The following PGM1 variants were observed in gnomAD, a reference collection of about 807,000 sequenced individuals.
The protein encoded by PGM1 is phosphoglucomutase-1.
Under a neutral mutation model 55.6 loss-of-function variants are expected in PGM1, and 52 were observed. That is an observed-to-expected ratio of 0.94 (90% confidence interval 0.75 to 1.18). The LOEUF is 1.18. Among genes scored for constraint, PGM1 ranks in the 50% most tolerant of loss-of-function variants. The pLI is 0.00. For synonymous variants in PGM1, 287 were observed against 271.7 expected (o/e 1.06, Z -0.55); for missense variants, 724 against 729.3 (o/e 0.99, Z 0.08).
At chr1:63,627,464 A>G (rs1649055623) in intron 1 of PGM1, among the ~76,000 whole-genome samples, 1 of 152,078 alleles carries the variant, frequency 6.6e-6, no homozygotes, top group Non-Finnish European at 1.5e-5. Flanking sequence ...GTAATAGAGC[A>G]GTGTCTCTCC....
At position 63,618,729 on chromosome 1, in the gene PGM1, C is replaced by T. The variant is rs192934470; in HGVS notation, c.247-10696C>T. Among the ~76,000 whole-genome samples the T allele has an allele frequency of 2.6e-3, 399 of 152,220 alleles. 2 individuals are homozygous for T. The highest frequency in any genetic ancestry group is 0.01 in the Middle Eastern group (3 of 294). ...GACACCAGCTGGGTGAGGTGTGGCT[C>T]GGCCAAGGGTCTGGATGTGGAGGCA... On this transcript the variant is annotated intron_variant, in intron 1 of 10. Coordinates refer to ENST00000371084, the MANE Select transcript of PGM1 (RefSeq NM_002633.3).
At chr1:63,608,780 C>T (rs1369815655) in intron 1 of PGM1, among the ~76,000 whole-genome samples, 11 of 152,182 alleles carry the variant, frequency 7.2e-5, no homozygotes, top group South Asian at 2.1e-4. Flanking sequence ...TCACTCTAAC[C>T]GCTTTGTGGT....
chr1:63,634,294 A>G (rs1649302782), intron 4 of PGM1, among the ~76,000 whole-genome samples: 1 of 152,180 alleles, frequency 6.6e-6, no homozygotes, highest in Non-Finnish European at 1.5e-5. Context: ...TCAGTACTTC[A>G]TAGCTATTAA....
intron 1 of PGM1, among the ~76,000 whole-genome samples, chr1:63,612,149 T>G (rs1483311707): frequency 1.3e-5 from 2 of 149,568 alleles, no homozygotes; most frequent in Non-Finnish European, 3.0e-5. Flanking sequence ...CCCAGCTACT[T>G]GGGAGGCTGA....
At chr1:63,613,978 C>A (rs1040030555) in intron 1 of PGM1, among the ~76,000 whole-genome samples, 1 of 152,120 alleles carries the variant, frequency 6.6e-6, no homozygotes, top group African/African-American at 2.4e-5. Flanking sequence ...CCTGCCTTTC[C>A]AATTTATTGT....
In PGM1 at chr1:63,610,585, G is replaced by A. The variant is rs114965439; in HGVS notation, c.246+16851G>A. 1.0e-2 allele frequency among the ~76,000 whole-genome samples: 1,518 copies of A among 152,176 alleles called. 27 individuals are homozygous for A. Among genetic ancestry groups the A allele is most frequent in the African/African-American group, 0.034 (1,409 of 41,494 alleles). ...ACTCATTTGTGAAATTAATATGTTG[G>A]GGGTTTTGATGGGAAATACAGACAC... On this transcript the variant is annotated intron_variant, in intron 1 of 10. Transcript: ENST00000371084.
At chr1:63,631,018 T>A (rs1649178752) in intron 3 of PGM1, among the ~76,000 whole-genome samples, 1 of 152,198 alleles carries the variant, frequency 6.6e-6, no homozygotes, top group Admixed American at 6.5e-5. Context: ...ATTCTTCATA[T>A]TTTGAAAATG....
intron 1 of PGM1, among the ~76,000 whole-genome samples, chr1:63,626,038 T>C: frequency 6.6e-6 from 1 of 152,184 alleles, no homozygotes; most frequent in African/African-American, 2.4e-5. Context: ...CCTGCCATGT[T>C]TGACTATTAG....
At chr1:63,646,765 T>C (rs889305241) in intron 7 of PGM1, among the ~76,000 whole-genome samples, 1 of 152,182 alleles carries the variant, frequency 6.6e-6, no homozygotes, top group Non-Finnish European at 1.5e-5. Flanking sequence ...TTAACTTTAA[T>C]TTTTCTTCTT....
rs572766359 is a variant in PGM1 at position 63,648,220 on chromosome 1, T to C, written c.1145-297T>C. 2.0e-5 allele frequency among the ~76,000 whole-genome samples: 3 copies of C among 152,290 alleles called. No homozygotes were observed. The East Asian group carries it at 5.8e-4, about 29-fold the overall frequency. On this transcript the variant is annotated intron_variant, in intron 7 of 10. Transcript: ENST00000371084. ...CATGGCTGGGAGGCCTCAGGAAATG[T>C]ACAATCATGGCAGAACAATGAAGAG...
intron 1 of PGM1, among the ~76,000 whole-genome samples, chr1:63,624,684 C>G (rs1270690442): frequency 6.6e-6 from 1 of 152,176 alleles, no homozygotes; most frequent in East Asian, 1.9e-4. Context: ...TATTTCTTTT[C>G]TGGAAGAGAT....
chr1:63,623,529 G>C, intron 1 of PGM1: 1 of 1,612,760 alleles, frequency 6.2e-7, no homozygotes, highest in East Asian at 2.2e-5. Context: ...TCCCTCTGTT[G>C]ACTTTTGCTA....
intron 10 of PGM1, among the ~76,000 whole-genome samples, chr1:63,656,359 A>C (rs1490673352): frequency 6.6e-6 from 1 of 152,220 alleles, no homozygotes; most frequent in Non-Finnish European, 1.5e-5. Context: ...GCTATTTTGG[A>C]ATAACCAAAA....
At chr1:63,647,259 C>CATATATATATATATATATAT (rs55760196) in intron 7 of PGM1, among the ~76,000 whole-genome samples, 8 of 55,410 alleles carry the variant, frequency 1.4e-4, no homozygotes, top group African/African-American at 1.9e-4. Flanking sequence ...TAAAATTTTA[C>CATATATATATATATATATAT]ATATATATAT....
intron 2 of PGM1, 112 bp from the exon 3 acceptor site, chr1:63,629,830 T>C: frequency 7.7e-7 from 1 of 1,298,468 alleles, no homozygotes; most frequent in Admixed American, 1.7e-5. Context: ...CTTTGCTGAC[T>C]GAATGATGAA....
chr1:63,607,390 A>G (rs1648451028), intron 1 of PGM1, among the ~76,000 whole-genome samples: 1 of 152,206 alleles, frequency 6.6e-6, no homozygotes, highest in African/African-American at 2.4e-5. Context: ...TGCCAGTTGA[A>G]TGGGGAAGAT....
chr1:63,653,395 A>G (rs1224296873), intron 9 of PGM1, among the ~76,000 whole-genome samples: 1 of 152,228 alleles, frequency 6.6e-6, no homozygotes, highest in African/African-American at 2.4e-5. Context: ...TAACTGTGGC[A>G]TATCCTCTGT....
intron 1 of PGM1, among the ~76,000 whole-genome samples, chr1:63,598,694 C>A (rs1333276158): frequency 1.3e-5 from 2 of 152,266 alleles, no homozygotes; most frequent in East Asian, 3.9e-4. Flanking sequence ...CATTCATATT[C>A]ATGGATCCCA....
intron 1 of PGM1, among the ~76,000 whole-genome samples, chr1:63,596,254 C>CTTTTTTTTTTTTTTTT (rs531673796): frequency 3.6e-5 from 4 of 111,330 alleles, no homozygotes; most frequent in Admixed American, 9.8e-5. Flanking sequence ...TTTTCTTCTT[C>CTTTTTTTTTTTTTTTT]TTTTTTTTTT....
Sources: allele counts gnomAD v4.1 joint callset (sites outside exome capture counted in the v4.1 genomes callset), GRCh38; gene constraint gnomAD v4.1.1; transcripts MANE v1.5; gene names NCBI Gene and HGNC (gene_info 2026-07-23, HGNC 2026-07-21).